Variants in CLASP2 observed in about 807,000 individuals in gnomAD.
CLASP2 encodes the protein CLIP-associating protein 2.
A neutral mutation model predicts 194.4 loss-of-function variants in CLASP2; 47 were observed. The observed-to-expected ratio is 0.24, with a 90% CI of 0.19 to 0.31. The LOEUF is 0.31. CLASP2 is among the 10% of genes least tolerant of loss of function. The pLI is 1.00. For synonymous variants in CLASP2, 619 were observed against 633.5 expected (o/e 0.98, Z 0.34); for missense variants, 1,445 against 1,823.6 (o/e 0.79, Z 3.78).
chr3:33,614,954 G>T (rs2154269678), intron 12 of CLASP2, among the ~76,000 whole-genome samples: 1 of 152,254 alleles, frequency 6.6e-6, no homozygotes, highest in African/African-American at 2.4e-5. Flanking sequence ...TGGTGCCACT[G>T]GAGTGACAGA....
At chr3:33,590,873 T>G in intron 21 of CLASP2, among the ~76,000 whole-genome samples, 1 of 152,330 alleles carries the variant, frequency 6.6e-6, no homozygotes, top group East Asian at 1.9e-4. Flanking sequence ...AGAGTTAAAT[T>G]TATTTCTTTC....
At chr3:33,591,328 T>C (rs889042813) in intron 21 of CLASP2, among the ~76,000 whole-genome samples, 3 of 152,180 alleles carry the variant, frequency 2.0e-5, no homozygotes, top group Admixed American at 2.0e-4. Context: ...ATGCCATAAA[T>C]GAGGCCAGGA....
chr3:33,651,380 C>T (rs2083169010), intron 7 of CLASP2, among the ~76,000 whole-genome samples: 1 of 89,522 alleles, frequency 1.1e-5, no homozygotes, highest in Non-Finnish European at 2.0e-5. Flanking sequence ...GAGATCCTGT[C>T]TCAAAAAAAA....
chr3:33,706,950 G>A (rs887911250), intron 1 of CLASP2, among the ~76,000 whole-genome samples: 1 of 151,948 alleles, frequency 6.6e-6, no homozygotes, highest in African/African-American at 2.4e-5. Flanking sequence ...AGGCAACAAA[G>A]AGAGAGAGAG....
chr3:33,659,611 T>C (rs2084938161), intron 7 of CLASP2: 1 of 168,356 alleles, frequency 5.9e-6, no homozygotes, highest in Admixed American at 6.5e-5. Context: ...CTGGCTGCCG[T>C]AAACAAATCA....
intron 16 of CLASP2, among the ~76,000 whole-genome samples, chr3:33,604,604 A>C (rs1033006041): frequency 3.9e-5 from 6 of 152,286 alleles, no homozygotes; most frequent in Admixed American, 3.9e-4. Context: ...TATATGTGTG[A>C]GCCACCGTGC....
chr3:33,558,262 A>C (rs2061288358), intron 29 of CLASP2: 1 of 152,212 alleles, frequency 6.6e-6, no homozygotes. Flanking sequence ...AATCTTGGCA[A>C]ACTAAACCTC....
intron 32 of CLASP2, 123 bp downstream of exon 32, chr3:33,543,310 T>C (rs1460386195): frequency 3.2e-6 from 2 of 628,060 alleles, no homozygotes; most frequent in Non-Finnish European, 5.7e-6. Context: ...GAGGTAGAGG[T>C]TGCAGTGAGT....
At chr3:33,675,624 T>G (rs1466685636) in intron 6 of CLASP2, among the ~76,000 whole-genome samples, 1 of 150,032 alleles carries the variant, frequency 6.7e-6, no homozygotes, top group Non-Finnish European at 1.5e-5. Context: ...GGGTATTCAA[T>G]TAGGAAAAGG....
intron 26 of CLASP2, among the ~76,000 whole-genome samples, chr3:33,568,643 A>G (rs2063218238): frequency 6.6e-6 from 1 of 151,354 alleles, no homozygotes; most frequent in Non-Finnish European, 1.5e-5. Flanking sequence ...CCCAACACAC[A>G]CATTTGTTTG....
chr3:33,576,196 A>T lies in CLASP2; in HGVS notation c.2427T>A (p.Asp809Glu). ...AGGCATCTGCCACCGCCTCCTCCAC[A>T]TCAGAACCTGTGTTCAGGACTCGCA... is the stretch of plus-strand genomic sequence containing the variant. Reference protein sequence around the residue: ...SAMRVLNTGSDVEEAVADALK... With the variant: ...SAMRVLNTGSEVEEAVADALK... The change falls in exon 24 of 39, where the codon GAT (aspartate) becomes GAA (glutamate). Residue 809 changes from aspartate to glutamate, a missense_variant. By Grantham distance (45) the Asp-to-Glu change is conservative. Around this residue, in one of 4 missense-constraint regions of CLASP2, gnomAD observed 732 missense variants for 987.9 expected, o/e 0.74. Transcript: ENST00000682230. The T allele has an allele frequency of 6.2e-7, 1 of 1,613,862 alleles. No individual in the cohort carries two copies. The highest frequency in any genetic ancestry group is 2.2e-5 in the East Asian group (1 of 44,882).
intron 6 of CLASP2, among the ~76,000 whole-genome samples, chr3:33,677,863 A>G (rs1034254907): frequency 6.7e-6 from 1 of 150,182 alleles, no homozygotes; most frequent in African/African-American, 2.4e-5. Flanking sequence ...TGAGGCAGAT[A>G]GCATGCCAAA....
intron 24 of CLASP2, among the ~76,000 whole-genome samples, chr3:33,575,847 G>A (rs1311212231): frequency 1.3e-5 from 2 of 152,048 alleles, no homozygotes; most frequent in East Asian, 3.9e-4. Flanking sequence ...AGCTAGAGTT[G>A]AAATTACATG....
chr3:33,661,665 G>A (rs993389751), intron 7 of CLASP2, among the ~76,000 whole-genome samples: 20 of 152,172 alleles, frequency 1.3e-4, no homozygotes, highest in African/African-American at 4.8e-4. Flanking sequence ...AGCTTGAAAT[G>A]CCTATTAGGC....
chr3:33,521,113 C>T (rs987057491), intron 34 of CLASP2, among the ~76,000 whole-genome samples: 1 of 151,978 alleles, frequency 6.6e-6, no homozygotes, highest in Non-Finnish European at 1.5e-5. Context: ...AAATCAAGGG[C>T]AATTTGAGCT....
chr3:33,547,009 A>C (rs2059251797), intron 30 of CLASP2, among the ~76,000 whole-genome samples: 1 of 152,148 alleles, frequency 6.6e-6, no homozygotes, highest in African/African-American at 2.4e-5. Context: ...ATCTATTGAG[A>C]TGATTATGTG....
intron 29 of CLASP2, among the ~76,000 whole-genome samples, chr3:33,554,379 A>G (rs2060565716): frequency 6.6e-6 from 1 of 152,214 alleles, no homozygotes; most frequent in Non-Finnish European, 1.5e-5. Flanking sequence ...CCTGGAGGAC[A>G]ATACCGTAAG....
chr3:33,552,735 T>A (rs1421589105), intron 29 of CLASP2, among the ~76,000 whole-genome samples: 2 of 152,200 alleles, frequency 1.3e-5, no homozygotes, highest in Non-Finnish European at 2.9e-5. Context: ...ATCTACTCTT[T>A]TAGCAAAAAT....
At chr3:33,701,506 G>T (rs1291864872) in intron 1 of CLASP2, among the ~76,000 whole-genome samples, 1 of 152,194 alleles carries the variant, frequency 6.6e-6, no homozygotes, top group African/African-American at 2.4e-5. Flanking sequence ...TGAAGCAGGA[G>T]GATTGCTTGA....
Sources: allele counts gnomAD v4.1 joint callset (sites outside exome capture counted in the v4.1 genomes callset), GRCh38; gene constraint gnomAD v4.1.1; regional missense constraint gnomAD v4.1.1; transcripts MANE v1.5; gene names NCBI Gene and HGNC (gene_info 2026-07-23, HGNC 2026-07-21).